RBMS3: variants seen among roughly 807,000 people sequenced by gnomAD.
RBMS3 encodes the protein RNA-binding motif, single-stranded-interacting protein 3.
A neutral mutation model predicts 66.8 loss-of-function variants in RBMS3; 27 were observed. The observed-to-expected ratio is 0.40, with a 90% CI of 0.30 to 0.56. The LOEUF is 0.56. Among genes scored for constraint, RBMS3 ranks in the 20% least tolerant of loss-of-function variants. The pLI is 0.40. For missense variants in RBMS3, 513 were observed against 549.5 expected (o/e 0.93, Z 0.66); for synonymous variants, 188 against 183.0 (o/e 1.03, Z -0.22).
At chr3:29,800,758 C>G (rs1236837452) in intron 6 of RBMS3, among the ~76,000 whole-genome samples, 3 of 152,096 alleles carry the variant, frequency 2.0e-5, no homozygotes, top group South Asian at 2.1e-4. Flanking sequence ...AAAACCTTTT[C>G]TTTTAATGGT....
At chr3:29,304,390 A>G (rs935358694) in intron 1 of RBMS3, among the ~76,000 whole-genome samples, 3 of 151,960 alleles carry the variant, frequency 2.0e-5, no homozygotes, top group African/African-American at 7.2e-5. Flanking sequence ...GCAAAGATAG[A>G]TTTAAAAGCA....
intron 4 of RBMS3, among the ~76,000 whole-genome samples, chr3:29,705,161 C>T (rs1016826311): frequency 6.6e-6 from 1 of 152,180 alleles, no homozygotes; most frequent in Non-Finnish European, 1.5e-5. Context: ...CCAACCATTA[C>T]GGCCACATTG....
In RBMS3 at chr3:29,481,767, C is replaced by T. The variant is rs187273513; in HGVS notation, c.249-6674C>T. ...CCTTGGGGCCTCTAGAAGCATTGAA[C>T]GGGGACATACTGGCTCTATCAAATG... is the stretch of plus-strand genomic sequence containing the variant. On this transcript the variant is annotated intron_variant, in intron 2 of 14. Coordinates refer to ENST00000383767, the MANE Select transcript of RBMS3 (RefSeq NM_001003793.3). Among the ~76,000 whole-genome samples, 579 of 152,212 alleles carry T rather than the reference C, an allele frequency of 3.8e-3. 5 individuals are homozygous for T. The highest frequency in any genetic ancestry group is 0.024 in the Middle Eastern group (7 of 294).
intron 4 of RBMS3, among the ~76,000 whole-genome samples, chr3:29,620,129 A>C (rs1418384830): frequency 6.6e-6 from 1 of 152,162 alleles, no homozygotes. Context: ...AACAAATGGA[A>C]AATTTTGGAG....
At chr3:29,614,717 G>A (rs908997603) in intron 4 of RBMS3, 2 of 152,084 alleles carry the variant, frequency 1.3e-5, no homozygotes, top group Non-Finnish European at 2.9e-5. Flanking sequence ...TTGTTAAAGA[G>A]ATAAATATAA....
intron 10 of RBMS3, among the ~76,000 whole-genome samples, chr3:29,929,481 T>G (rs777351968): frequency 3.3e-5 from 5 of 152,150 alleles, no homozygotes; most frequent in Non-Finnish European, 5.9e-5. Flanking sequence ...AACCAATAAT[T>G]GAAACCATTA....
chr3:29,465,139 T>C (rs2042494253), intron 2 of RBMS3, among the ~76,000 whole-genome samples: 1 of 152,202 alleles, frequency 6.6e-6, no homozygotes, highest in Non-Finnish European at 1.5e-5. Context: ...CAATGAACGA[T>C]GATGATAACA....
chr3:29,504,232 A>AG, intron 3 of RBMS3, among the ~76,000 whole-genome samples: 1 of 152,206 alleles, frequency 6.6e-6, no homozygotes, highest in South Asian at 2.1e-4. Context: ...GGGGAAAAAA[A>AG]TGACCTCTTG....
chr3:29,526,137 A>G (rs1327093412), intron 3 of RBMS3: 1 of 152,154 alleles, frequency 6.6e-6, no homozygotes, highest in Admixed American at 6.5e-5. Flanking sequence ...AGCTTGTTGA[A>G]AATGCTCAAT....
intron 6 of RBMS3, among the ~76,000 whole-genome samples, chr3:29,820,988 C>G (rs2058063522): frequency 6.6e-6 from 1 of 152,158 alleles, no homozygotes; most frequent in Admixed American, 6.5e-5. Context: ...TTCTTCAACC[C>G]TCTACTAGAG....
chr3:29,706,227 A>G (rs996354955), intron 4 of RBMS3, among the ~76,000 whole-genome samples: 5 of 152,214 alleles, frequency 3.3e-5, no homozygotes, highest in Non-Finnish European at 7.3e-5. Context: ...AAGGCATTCT[A>G]GTCCTGACAT....
chr3:29,728,681 G>T (rs1174053421), intron 4 of RBMS3, among the ~76,000 whole-genome samples: 1 of 152,130 alleles, frequency 6.6e-6, no homozygotes, highest in Non-Finnish European at 1.5e-5. Flanking sequence ...TTTACCAAAA[G>T]TTGTGCAGCC....
intron 5 of RBMS3, among the ~76,000 whole-genome samples, chr3:29,757,044 C>T (rs2055448761): frequency 6.6e-6 from 1 of 152,094 alleles, no homozygotes; most frequent in African/African-American, 2.4e-5. Flanking sequence ...ATCTCTGGCC[C>T]CTCTCCAGTT....
chr3:29,623,852 T>G (rs1008148583), intron 4 of RBMS3, among the ~76,000 whole-genome samples: 1 of 152,184 alleles, frequency 6.6e-6, no homozygotes, highest in Admixed American at 6.5e-5. Context: ...GGACTATGAA[T>G]GAAGTGTAAC....
At chr3:29,956,843 T>A (rs1385334655) in intron 12 of RBMS3, among the ~76,000 whole-genome samples, 2 of 152,154 alleles carry the variant, frequency 1.3e-5, no homozygotes, top group Admixed American at 1.3e-4. Context: ...CAGGACATAA[T>A]CCTCAGTCCT....
chr3:29,894,566 C>G (rs2060081986), intron 8 of RBMS3, among the ~76,000 whole-genome samples: 1 of 151,458 alleles, frequency 6.6e-6, no homozygotes. Context: ...ATTAAGGCCC[C>G]ACGCTTATGT....
rs1238523541 is a variant in RBMS3 at position 29,300,292 on chromosome 3, C to G, written c.75+18536C>G. Among the ~76,000 whole-genome samples, 4 of 151,812 alleles carry G rather than the reference C, an allele frequency of 2.6e-5. No individual in the cohort carries two copies. The South Asian group carries it at 6.2e-4, about 24-fold the overall frequency. On this transcript the variant is annotated intron_variant, in intron 1 of 14. Transcript: ENST00000383767. Reference sequence around the variant, plus strand: ...TCAAAAGCTTTAAAAACATACATGCCCGGTTATATAGCAAAACCAATTCTA... The same window carrying G: ...TCAAAAGCTTTAAAAACATACATGCGCGGTTATATAGCAAAACCAATTCTA...
chr3:29,933,318 T>A (rs1329340744), intron 10 of RBMS3, among the ~76,000 whole-genome samples: 3 of 152,170 alleles, frequency 2.0e-5, no homozygotes, highest in Non-Finnish European at 4.4e-5. Context: ...TCTTTTGTAT[T>A]TATTTATTTA....
intron 1 of RBMS3, among the ~76,000 whole-genome samples, chr3:29,292,327 C>T (rs975597896): frequency 2.6e-5 from 4 of 151,744 alleles, no homozygotes; most frequent in African/African-American, 4.8e-5. Flanking sequence ...CCTAAGAAGA[C>T]ACATTCCTGT....
Sources: gnomAD v4.1 joint callset for allele counts (sites outside exome capture counted in the v4.1 genomes callset) on GRCh38, gnomAD v4.1.1 for gene constraint, MANE v1.5 for transcripts, NCBI Gene and HGNC (gene_info 2026-07-23, HGNC 2026-07-21) for gene names.